The following ECPAS variants were observed in gnomAD, a reference collection of about 807,000 sequenced individuals.
ECPAS encodes the protein proteasome adapter and scaffold protein ECM29.
In ECPAS, 70 loss-of-function variants were observed where a neutral mutation model predicts 255.1. The ratio of observed to expected loss-of-function variants is 0.27; its 90% CI spans 0.23 to 0.33. The LOEUF is 0.33. Among genes scored for constraint, ECPAS ranks in the 10% least tolerant of loss-of-function variants. The pLI is 1.00. For missense variants in ECPAS, 1,817 were observed against 2,206.4 expected (o/e 0.82, Z 3.54); for synonymous variants, 784 against 775.0 (o/e 1.01, Z -0.19).
rs1436432459 is a variant in ECPAS, at chr9:111,361,617, A to G, written c.*413T>C. ...AGCCTCTGAGATGACACAGCTTCCT[A>G]TTTCTTCAGGTGTAAGAGGGAGGTT... On this transcript the variant is annotated 3_prime_UTR_variant, in exon 50 of 50. Transcript: ENST00000684092. 1 of 152,918 alleles carries G rather than the reference A, an allele frequency of 6.5e-6. No individual in the cohort carries two copies. The highest frequency in any genetic ancestry group is 2.4e-5 in the African/African-American group (1 of 41,462). The allele number at this position is 152,918 out of a possible 1,614,324, so 9.5% of individuals were successfully genotyped here.
chr9:111,448,841 T>C (rs1192579439), intron 3 of ECPAS, among the ~76,000 whole-genome samples: 2 of 152,170 alleles, frequency 1.3e-5, no homozygotes, highest in Non-Finnish European at 2.9e-5. Flanking sequence ...AAAGATAAAA[T>C]GACCAAACTG....
chr9:111,414,331 A>G (rs747332019), intron 19 of ECPAS, 98 bp downstream of exon 19: 22 of 1,037,756 alleles, frequency 2.1e-5, no homozygotes, highest in Middle Eastern at 2.3e-4. Context: ...CAGTTACAGA[A>G]GAAAAAGAAT....
At chr9:111,401,872 C>T (rs1031869516) in intron 24 of ECPAS, among the ~76,000 whole-genome samples, 1 of 152,222 alleles carries the variant, frequency 6.6e-6, no homozygotes, top group African/African-American at 2.4e-5. Context: ...GGTTATCTTT[C>T]CTTGTTCCCT....
chr9:111,380,029 C>T (rs2098138576), intron 35 of ECPAS, among the ~76,000 whole-genome samples: 1 of 152,214 alleles, frequency 6.6e-6, no homozygotes, highest in African/African-American at 2.4e-5. Flanking sequence ...CTTAACAGCA[C>T]CTACAATGGT....
chr9:111,472,088 G>C (rs975824807), intron 2 of ECPAS, among the ~76,000 whole-genome samples: 1 of 151,618 alleles, frequency 6.6e-6, no homozygotes, highest in African/African-American at 2.4e-5. Context: ...GGCAACAAAG[G>C]AAGACCCTGT....
At chr9:111,429,333 A>G (rs1399926210) in intron 9 of ECPAS, among the ~76,000 whole-genome samples, 1 of 151,984 alleles carries the variant, frequency 6.6e-6, no homozygotes, top group Admixed American at 6.6e-5. Context: ...CATGGCTTTG[A>G]TATGTGGTAG....
At chr9:111,408,517 AAAG>A in intron 24 of ECPAS, 51 bp downstream of exon 24, 1 of 1,169,324 alleles carries the variant, frequency 8.6e-7, no homozygotes, top group East Asian at 2.6e-5. Flanking sequence ...AAAAAAAAAA[AAAG>A]ACCAATGCCT....
In ECPAS at chr9:111,389,408, G is replaced by C. The variant is rs1199112636; in HGVS notation, c.3447+148C>G. The C allele has an allele frequency of 5.9e-6, 4 of 673,158 alleles. No individual in the cohort carries two copies. The East Asian group carries it at 1.2e-4, about 20-fold the overall frequency. 41.7% of individuals were successfully genotyped at this position (673,158 alleles called of 1,614,324 possible). A position where few individuals can be genotyped will look rare whatever the true frequency, so the allele number is the denominator to read the frequency against. The stretch of plus-strand genomic sequence containing the variant: ...CACATCTTTGATACCTTGAAAGAAG[G>C]AAGAAAGCATGGAATGAAAGACAAT... On this transcript the variant is annotated intron_variant, in intron 31 of 49. Coordinates refer to ENST00000684092, the MANE Select transcript of ECPAS (RefSeq NM_001364929.1).
At chr9:111,395,974 T>C (rs2098167014) in intron 25 of ECPAS, among the ~76,000 whole-genome samples, 1 of 152,232 alleles carries the variant, frequency 6.6e-6, no homozygotes, top group Non-Finnish European at 1.5e-5. Flanking sequence ...TTTTTCTATT[T>C]CCTTTAAATC....
intron 43 of ECPAS, among the ~76,000 whole-genome samples, chr9:111,371,063 G>A (rs556781501): frequency 8.5e-5 from 13 of 152,228 alleles, no homozygotes; most frequent in African/African-American, 1.9e-4. Flanking sequence ...CTCCCAGTCC[G>A]GTACTACTTC....
At chr9:111,409,109 T>C (rs2098189848) in intron 23 of ECPAS, among the ~76,000 whole-genome samples, 1 of 152,218 alleles carries the variant, frequency 6.6e-6, no homozygotes, top group African/African-American at 2.4e-5. Context: ...CTAGACCTTT[T>C]AGAAGATTCA....
rs1451041603 is a variant in ECPAS at position 111,437,065 on chromosome 9, C to T, written c.583G>A (p.Ala195Thr). 4 of 1,610,776 alleles carry T rather than the reference C, an allele frequency of 2.5e-6. No individual in the cohort carries two copies. Among genetic ancestry groups the T allele is most frequent in the Non-Finnish European group, 3.4e-6 (4 of 1,179,056 alleles). The stretch of plus-strand genomic sequence containing the variant: ...CCACTGTTTGAAGAAGAACCCTGTG[C>T]TGAAGATGAATTTTGGCGACTCTGG... ...ESQSRQNSSS[A>T]QGSSSNSGGG... The change falls in exon 7 of 50, where the codon GCA becomes ACA. Residue 195 changes from alanine to threonine, a missense_variant. This residue lies in a region of ECPAS where 573 missense variants were observed against 716.2 expected (regional missense o/e 0.80). Transcript: ENST00000684092.
chr9:111,375,288 T>C, intron 37 of ECPAS, 86 bp from the exon 38 acceptor site: 1 of 893,120 alleles, frequency 1.1e-6, no homozygotes, highest in Non-Finnish European at 1.8e-6. Flanking sequence ...TTGTCAAACG[T>C]GTACCAACTG....
chr9:111,373,417 T>C lies in ECPAS; in HGVS notation c.4178-11A>G, dbSNP rs963767831. 3.0e-5 allele frequency: 49 copies of C among 1,608,992 alleles called. 1 individual carries two copies. In the East Asian group the frequency reaches 7.6e-4, roughly 25 times the overall value. ...CACTCATAAGTTTACCTACCAGAAA[T>C]AAAGAGAAAAAAATCTGATACTTGG... On this transcript the variant is annotated splice_polypyrimidine_tract_variant and intron_variant, in intron 39 of 49. Coordinates refer to ENST00000684092, the MANE Select transcript of ECPAS (RefSeq NM_001364929.1).
At chr9:111,397,007 T>G in intron 25 of ECPAS, 23 bp downstream of exon 25, 1 of 1,613,724 alleles carries the variant, frequency 6.2e-7, no homozygotes, top group Non-Finnish European at 8.5e-7. Flanking sequence ...TCATTATAAA[T>G]CGATTAGCTG....
At chr9:111,378,083 T>C (rs1399452554) in intron 36 of ECPAS, among the ~76,000 whole-genome samples, 1 of 151,930 alleles carries the variant, frequency 6.6e-6, no homozygotes, top group East Asian at 1.9e-4. Flanking sequence ...CAGGCAGAGG[T>C]TGCAGTGAGC....
At chr9:111,411,230 A>G (rs2098193838) in intron 21 of ECPAS, 88 bp from the exon 22 acceptor site, 1 of 1,314,676 alleles carries the variant, frequency 7.6e-7, no homozygotes, top group South Asian at 1.3e-5. Context: ...GATTAGGATC[A>G]TCTCTCCAAC....
At chr9:111,443,346 G>A (rs538604180) in intron 4 of ECPAS, among the ~76,000 whole-genome samples, 7 of 152,290 alleles carry the variant, frequency 4.6e-5, no homozygotes, top group Middle Eastern at 3.4e-3. Context: ...CACCTCTGAG[G>A]TTCAAGTGAT....
intron 15 of ECPAS, among the ~76,000 whole-genome samples, chr9:111,420,475 C>T (rs1157917887): frequency 6.6e-6 from 1 of 152,090 alleles, no homozygotes; most frequent in East Asian, 1.9e-4. Flanking sequence ...TAGCCATCAC[C>T]TCCGCCACCC....
Sources: gnomAD v4.1 joint callset for allele counts (sites outside exome capture counted in the v4.1 genomes callset) on GRCh38, gnomAD v4.1.1 for gene constraint, gnomAD v4.1.1 regional missense constraint, MANE v1.5 for transcripts, NCBI Gene and HGNC (gene_info 2026-07-23, HGNC 2026-07-21) for gene names.